Variants in SLIT3 observed in about 807,000 individuals in gnomAD.
The protein encoded by SLIT3 is slit homolog 3 protein.
A neutral mutation model predicts 184.0 loss-of-function variants in SLIT3; 68 were observed. The ratio of observed to expected loss-of-function variants is 0.37; its 90% confidence interval spans 0.30 to 0.45. The LOEUF (loss-of-function observed/expected upper bound fraction) is 0.45. SLIT3 is among the 20% of genes least tolerant of loss of function. The pLI is 1.00. For synonymous variants in SLIT3, 831 were observed against 828.6 expected (o/e 1.00, Z -0.05); for missense variants, 1,707 against 2,026.0 (o/e 0.84, Z 3.02).
intron 4 of SLIT3, among the ~76,000 whole-genome samples, chr5:169,100,769 C>T (rs145537001): frequency 5.9e-5 from 9 of 152,306 alleles, no homozygotes; most frequent in South Asian, 2.1e-4. Flanking sequence ...CACCTCCATC[C>T]TCTCCATCTT....
intron 4 of SLIT3, among the ~76,000 whole-genome samples, chr5:168,997,047 G>A (rs1321303317): frequency 3.8e-4 from 58 of 152,188 alleles, no homozygotes; most frequent in Admixed American, 3.8e-3. Flanking sequence ...CATGATGAAA[G>A]GGAGGGATCA....
At chr5:168,764,342 G>A (rs1354988882) in intron 14 of SLIT3, among the ~76,000 whole-genome samples, 1 of 152,138 alleles carries the variant, frequency 6.6e-6, no homozygotes, top group Non-Finnish European at 1.5e-5. Flanking sequence ...ACACTCTGAG[G>A]TTAGGATAAC....
At chr5:168,968,648 G>A (rs1328206039) in intron 4 of SLIT3, among the ~76,000 whole-genome samples, 1 of 152,174 alleles carries the variant, frequency 6.6e-6, no homozygotes, top group African/African-American at 2.4e-5. Context: ...CACCTCACCT[G>A]TCAACCAAAA....
At chr5:169,154,281 G>A (rs1762225233) in intron 4 of SLIT3, among the ~76,000 whole-genome samples, 1 of 152,164 alleles carries the variant, frequency 6.6e-6, no homozygotes, top group Non-Finnish European at 1.5e-5. Context: ...CCTTTTCAGA[G>A]CTCTGGGTAA....
At chr5:168,845,048 C>T (rs1037251883) in intron 5 of SLIT3, among the ~76,000 whole-genome samples, 5 of 151,942 alleles carry the variant, frequency 3.3e-5, no homozygotes, top group Non-Finnish European at 7.4e-5. Flanking sequence ...CTGCCCTCCG[C>T]GACCTCCCAG....
chr5:169,227,011 C>T (rs1395113551), intron 3 of SLIT3, among the ~76,000 whole-genome samples: 1 of 152,216 alleles, frequency 6.6e-6, no homozygotes, highest in African/African-American at 2.4e-5. Context: ...AAAGCCCCCA[C>T]ACTGTGTTTG....
intron 5 of SLIT3, among the ~76,000 whole-genome samples, chr5:168,880,500 C>G (rs1273562540): frequency 6.6e-6 from 1 of 152,240 alleles, no homozygotes; most frequent in African/African-American, 2.4e-5. Flanking sequence ...TTCTAACCAC[C>G]ATTCAGGCCC....
intron 3 of SLIT3, among the ~76,000 whole-genome samples, chr5:169,207,416 C>G (rs537475323): frequency 2.0e-5 from 3 of 147,500 alleles, no homozygotes; most frequent in Non-Finnish European, 3.0e-5. Context: ...CACACACACA[C>G]GGCACCAAGT....
At chr5:168,923,108 G>A (rs1444559328) in intron 4 of SLIT3, among the ~76,000 whole-genome samples, 5 of 152,116 alleles carry the variant, frequency 3.3e-5, no homozygotes, top group African/African-American at 9.7e-5. Context: ...ATTCCAGCTC[G>A]GAACCTTTAG....
chr5:168,792,605 A>G (rs1304666883), intron 10 of SLIT3, among the ~76,000 whole-genome samples: 1 of 152,180 alleles, frequency 6.6e-6, no homozygotes, highest in African/African-American at 2.4e-5. Flanking sequence ...GATATTAGGA[A>G]GTCCTGGAGC....
At chr5:168,724,861 C>A (rs769431328) in intron 20 of SLIT3, among the ~76,000 whole-genome samples, 40 of 152,094 alleles carry the variant, frequency 2.6e-4, no homozygotes, top group Non-Finnish European at 5.6e-4. Flanking sequence ...CAGGAAGTCA[C>A]AGTTGAAGAA....
chr5:168,792,359 C>G, intron 10 of SLIT3: 1 of 152,336 alleles, frequency 6.6e-6, no homozygotes, highest in Non-Finnish European at 1.5e-5. Flanking sequence ...GATTTGTAGG[C>G]TGGGGGTTGG....
At chr5:169,083,158 C>T (rs751508140) in intron 4 of SLIT3, among the ~76,000 whole-genome samples, 1 of 152,178 alleles carries the variant, frequency 6.6e-6, no homozygotes, top group Non-Finnish European at 1.5e-5. Context: ...AGGTCTCAAA[C>T]CAAACTAATT....
chr5:168,965,753 T>C (rs962795840), intron 4 of SLIT3, among the ~76,000 whole-genome samples: 2 of 152,362 alleles, frequency 1.3e-5, no homozygotes, highest in East Asian at 3.9e-4. Flanking sequence ...AACTTTCCAC[T>C]TGATTCTGAG....
intron 25 of SLIT3, chr5:168,708,674 A>T (rs1213798587): frequency 6.4e-6 from 1 of 156,650 alleles, no homozygotes; most frequent in Non-Finnish European, 1.4e-5. Flanking sequence ...TGACCGTTTC[A>T]GCCGTGTGCT....
intron 1 of SLIT3, among the ~76,000 whole-genome samples, chr5:169,296,776 TCTC>T (rs1767515576): frequency 1.3e-5 from 2 of 152,342 alleles, no homozygotes; most frequent in Admixed American, 1.3e-4. Flanking sequence ...TTTCGCCCGT[TCTC>T]CTTCGCAAAC....
intron 1 of SLIT3, among the ~76,000 whole-genome samples, chr5:169,255,227 T>TAG (rs1765910068): frequency 6.6e-6 from 1 of 152,230 alleles, no homozygotes; most frequent in African/African-American, 2.4e-5. Context: ...AGCATACTCC[T>TAG]TCTACTTATT....
At chr5:169,126,060 G>A (rs1761067964) in intron 4 of SLIT3, among the ~76,000 whole-genome samples, 1 of 152,154 alleles carries the variant, frequency 6.6e-6, no homozygotes, top group Non-Finnish European at 1.5e-5. Flanking sequence ...GACAGAAGCG[G>A]CCCATGGAAT....
chr5:169,201,337 G>T (rs540336403), intron 3 of SLIT3, among the ~76,000 whole-genome samples: 32 of 152,182 alleles, frequency 2.1e-4, no homozygotes, highest in African/African-American at 7.0e-4. Flanking sequence ...GAAGATGTTT[G>T]CAAGAACCCT....
Sources: gnomAD v4.1 joint callset for allele counts (sites outside exome capture counted in the v4.1 genomes callset) on GRCh38, gnomAD v4.1.1 for gene constraint, MANE v1.5 for transcripts, NCBI Gene and HGNC (gene_info 2026-07-23, HGNC 2026-07-21) for gene names.